PCCA: variants seen among roughly 807,000 people sequenced by gnomAD.
The protein encoded by PCCA is propionyl-CoA carboxylase subunit alpha.
Under a neutral mutation model 101.3 loss-of-function variants are expected in PCCA, and 74 were observed. That is an observed-to-expected ratio of 0.73 (90% confidence interval 0.61 to 0.89). The LOEUF (loss-of-function observed/expected upper bound fraction) is 0.89. PCCA is among the 40% of genes least tolerant of loss of function. PCCA has a pLI of 0.00. For missense variants in PCCA, 891 were observed against 907.0 expected, an observed-to-expected ratio of 0.98 and a Z score of 0.23; for synonymous variants, 294 against 313.6, an observed-to-expected ratio of 0.94 and a Z score of 0.66.
chr13:100,379,149 G>A (rs991948149), intron 19 of PCCA, among the ~76,000 whole-genome samples: 2 of 152,164 alleles, frequency 1.3e-5, no homozygotes, highest in African/African-American at 4.8e-5. Flanking sequence ...GATTCTGGGT[G>A]CATGTGGTAG....
At chr13:100,229,830 A>C (rs912631935) in intron 7 of PCCA, among the ~76,000 whole-genome samples, 3 of 152,174 alleles carry the variant, frequency 2.0e-5, no homozygotes, top group African/African-American at 7.2e-5. Context: ...CTTGCTGAGG[A>C]AATTAAATTT....
chr13:100,475,017 C>T (rs977050718), intron 21 of PCCA, among the ~76,000 whole-genome samples: 3 of 152,132 alleles, frequency 2.0e-5, no homozygotes, highest in Non-Finnish European at 2.9e-5. Context: ...ATATTTGGGA[C>T]ATATGCTAAC....
chr13:100,422,584 A>G (rs2078901532), intron 19 of PCCA, among the ~76,000 whole-genome samples: 1 of 152,170 alleles, frequency 6.6e-6, no homozygotes, highest in Non-Finnish European at 1.5e-5. Context: ...GGACAGTTAC[A>G]TATTCTTTCT....
chr13:100,500,494 A>G (rs940358997), intron 21 of PCCA, among the ~76,000 whole-genome samples: 1 of 152,226 alleles, frequency 6.6e-6, no homozygotes, highest in Admixed American at 6.5e-5. Flanking sequence ...TAATAAACCA[A>G]AAGATCAAAC....
At chr13:100,340,486 T>G (rs1018693684) in intron 18 of PCCA, among the ~76,000 whole-genome samples, 3 of 152,220 alleles carry the variant, frequency 2.0e-5, no homozygotes, top group Non-Finnish European at 4.4e-5. Context: ...CCCTTTTAAT[T>G]TGGACATAAG....
chr13:100,411,069 CAG>C (rs1256484230), intron 19 of PCCA, among the ~76,000 whole-genome samples: 1 of 151,926 alleles, frequency 6.6e-6, no homozygotes, highest in Non-Finnish European at 1.5e-5. Context: ...TGTTTGGAAT[CAG>C]AGGTATCAAT....
chr13:100,181,825 G>A (rs2056815218), intron 6 of PCCA, among the ~76,000 whole-genome samples: 1 of 149,290 alleles, frequency 6.7e-6, no homozygotes, highest in Non-Finnish European at 1.5e-5. Flanking sequence ...GAGTGCAGTG[G>A]CGTGATCTTG....
At chr13:100,162,561 T>C (rs1227991953) in intron 6 of PCCA, among the ~76,000 whole-genome samples, 1 of 152,194 alleles carries the variant, frequency 6.6e-6, no homozygotes, top group Non-Finnish European at 1.5e-5. Flanking sequence ...CTCTTTCTGC[T>C]TCCTTCCCCT....
At chr13:100,486,834 G>T (rs946492317) in intron 21 of PCCA, among the ~76,000 whole-genome samples, 3 of 152,088 alleles carry the variant, frequency 2.0e-5, no homozygotes, top group African/African-American at 7.2e-5. Context: ...TGGCAGGATC[G>T]CTTGAGCCCA....
chr13:100,245,808 C>T (rs897276155), intron 8 of PCCA, among the ~76,000 whole-genome samples: 4 of 152,198 alleles, frequency 2.6e-5, no homozygotes, highest in African/African-American at 9.7e-5. Context: ...CCCTTGCCTA[C>T]ATCACTGTAA....
chr13:100,489,617 A>G (rs17493763), intron 21 of PCCA, among the ~76,000 whole-genome samples: 31,858 of 152,240 alleles, frequency 0.21, 3,627 homozygotes, highest in Non-Finnish European at 0.25. Context: ...TAAAATGTCA[A>G]GTGTTGCAAA....
At chr13:100,329,007 T>G (rs2069132680) in intron 16 of PCCA, among the ~76,000 whole-genome samples, 1 of 151,582 alleles carries the variant, frequency 6.6e-6, no homozygotes, top group African/African-American at 2.4e-5. Flanking sequence ...TTTTTTTTTT[T>G]TTGGTCCAAA....
intron 6 of PCCA, among the ~76,000 whole-genome samples, chr13:100,172,436 A>G (rs2055782244): frequency 6.6e-6 from 1 of 152,180 alleles, no homozygotes; most frequent in Admixed American, 6.5e-5. Context: ...TAATGTTAAT[A>G]GGGCTTTGTC....
Position 100,089,099 on chromosome 13 carries a change from G to A in PCCA, c.-22G>A, listed in dbSNP as rs1238945656. Reference sequence around the variant, plus strand: ...TCCGGCTGTGTGAGAGGTCAGCAGAGGGGCGGTCTGCGGGGACAACAATGG... The same window carrying A: ...TCCGGCTGTGTGAGAGGTCAGCAGAAGGGCGGTCTGCGGGGACAACAATGG... On this transcript the variant is annotated 5_prime_UTR_variant, in exon 1 of 24. Coordinates refer to ENST00000376285, the MANE Select transcript of PCCA (RefSeq NM_000282.4). 1.4e-6 allele frequency: 2 copies of A among 1,468,424 alleles called. No homozygotes were observed. Among genetic ancestry groups the A allele is most frequent in the Non-Finnish European group, 1.8e-6 (2 of 1,103,950 alleles). The allele number at this position is 1,468,424 out of a possible 1,614,324, so 91.0% of individuals were successfully genotyped here. A position where few individuals can be genotyped will look rare whatever the true frequency, so the allele number is the denominator to read the frequency against.
At chr13:100,420,797 C>T (rs1342503144) in intron 19 of PCCA, among the ~76,000 whole-genome samples, 2 of 152,022 alleles carry the variant, frequency 1.3e-5, no homozygotes, top group Non-Finnish European at 2.9e-5. Flanking sequence ...CCTGTTAACT[C>T]AAATGCAGTT....
At chr13:100,520,419 G>A (rs888954687) in intron 22 of PCCA, among the ~76,000 whole-genome samples, 1 of 151,962 alleles carries the variant, frequency 6.6e-6, no homozygotes, top group Non-Finnish European at 1.5e-5. Context: ...AGGCCGAGGC[G>A]GGCGGATCAC....
intron 7 of PCCA, among the ~76,000 whole-genome samples, chr13:100,235,250 T>TA (rs1237886768): frequency 7.3e-6 from 1 of 136,874 alleles, no homozygotes; most frequent in Non-Finnish European, 1.6e-5. Context: ...TGTAACAAGA[T>TA]ACAATTGTAG....
At chr13:100,280,606 G>A (rs2064025009) in intron 12 of PCCA, among the ~76,000 whole-genome samples, 1 of 152,112 alleles carries the variant, frequency 6.6e-6, no homozygotes, top group African/African-American at 2.4e-5. Flanking sequence ...GCTAGATGGA[G>A]AACTACTCTA....
intron 2 of PCCA, among the ~76,000 whole-genome samples, chr13:100,106,813 A>G (rs1165946454): frequency 2.0e-5 from 3 of 152,192 alleles, no homozygotes; most frequent in African/African-American, 4.8e-5. Context: ...CCTGAAATCA[A>G]TTCTGCTCCC....
Sources: gnomAD v4.1 joint callset for allele counts (sites outside exome capture counted in the v4.1 genomes callset) on GRCh38, gnomAD v4.1.1 for gene constraint, MANE v1.5 for transcripts, NCBI Gene and HGNC (gene_info 2026-07-23, HGNC 2026-07-21) for gene names.